Variants in TLN1 observed in about 807,000 individuals in gnomAD.
TLN1 encodes talin 1, also known as talin-1.
Under a neutral mutation model 292.3 loss-of-function variants are expected in TLN1, and 56 were observed. That is an observed-to-expected ratio of 0.19 (90% CI 0.15 to 0.24). The LOEUF is 0.24. Among genes scored for constraint, TLN1 ranks in the 10% least tolerant of loss-of-function variants. The pLI is 1.00. For synonymous variants in TLN1, 1,119 were observed against 1,253.7 expected (o/e 0.89, Z 2.27); for missense variants, 2,433 against 3,248.2 (o/e 0.75, Z 6.10).
Position 35,719,775 on chromosome 9 carries a change from C to T in TLN1, c.1543G>A (p.Asp515Asn), listed in dbSNP as rs748221925. Reference sequence around the variant, plus strand: ...CCAAGAGGCGGCAGAGTGTCAAAGTCATCCAGGGTGGCCTGGGCAGCCTGC... The same window carrying T: ...CCAAGAGGCGGCAGAGTGTCAAAGTTATCCAGGGTGGCCTGGGCAGCCTGC... Reference protein sequence around the residue: ...AVQAAQATLDDFDTLPPLGQD... With the variant: ...AVQAAQATLDNFDTLPPLGQD... Residue 515 changes from aspartate to asparagine, a missense_variant, in exon 14 of 57, where the codon GAC (aspartate) becomes AAC (asparagine). Physicochemically the swap from Asp to Asn is conservative, Grantham distance 23. This residue lies in a region of TLN1 where 617 missense variants were observed against 770.6 expected (regional missense o/e 0.80). Transcript: ENST00000314888. The surrounding 1 kb of genome is among the most constrained non-coding windows in gnomAD (Gnocchi z 4.6). The T allele has an allele frequency of 3.3e-5, 53 of 1,608,034 alleles. No individual in the cohort carries two copies. The South Asian group carries it at 4.9e-4, about 15-fold the overall frequency.
intron 27 of TLN1, 31 bp from the exon 28 acceptor site, chr9:35,712,155 A>T: frequency 6.2e-7 from 1 of 1,602,300 alleles, no homozygotes; most frequent in Non-Finnish European, 8.5e-7. Context: ...GGGTTGCCCA[A>T]GTGAAAAGAA....
intron 48 of TLN1, among the ~76,000 whole-genome samples, chr9:35,701,322 G>A (rs147717074): frequency 1.4e-3 from 207 of 152,272 alleles, no homozygotes; most frequent in Non-Finnish European, 2.0e-3. Flanking sequence ...TGTCACCCAG[G>A]CTGGAGTGCA....
chr9:35,697,939 T>G (rs1436647565), intron 56 of TLN1, 23 bp from the exon 57 acceptor site: 1 of 1,613,926 alleles, frequency 6.2e-7, no homozygotes, highest in Non-Finnish European at 8.5e-7. Context: ...ATCGGGGACT[T>G]AGTTCAGTGA....
Position 35,706,618 on chromosome 9 carries a change from G to T in TLN1, c.5089-67C>A. Reference sequence around the variant, plus strand: ...TAGGACCCTCTGGCTACAAAGAACTGCTCTTCTGTCCATACCAAATACCCT... The same window carrying T: ...TAGGACCCTCTGGCTACAAAGAACTTCTCTTCTGTCCATACCAAATACCCT... On this transcript the variant is annotated intron_variant, in intron 38 of 56. Transcript: ENST00000314888. The surrounding 1 kb of genome is among the most constrained non-coding windows in gnomAD (Gnocchi z 4.2). 1 of 1,596,114 alleles carries T rather than the reference G, an allele frequency of 6.3e-7. No individual in the cohort carries two copies. Among genetic ancestry groups the T allele is most frequent in the African/African-American group, 1.3e-5 (1 of 74,658 alleles).
chr9:35,706,058 C>G lies in TLN1; in HGVS notation c.5415G>C (p.Glu1805Asp), dbSNP rs369415530. Residue 1805 changes from glutamate (E) to aspartate (D), a missense_variant, in exon 41 of 57, where the codon GAG becomes GAC. Glu to Asp is a conservative substitution (Grantham distance 45). This residue lies in a region of TLN1 where 1,384 missense variants were observed against 1,699.6 expected (regional missense o/e 0.81). Transcript: ENST00000314888. This position sits in a 1 kb window ranked among gnomAD's most constrained non-coding sequence, Gnocchi z 4.2. ...ALEEAVQMMT[E>D]AVEDLTTTLN... ...GGGTTGTTGTCAGGTCCTCTACGGC[C>G]TCGGTCATCATCTGCACAGCCTCCT... The G allele has an allele frequency of 6.2e-7, 1 of 1,614,216 alleles. No individual in the cohort carries two copies. Among genetic ancestry groups the G allele is most frequent in the Non-Finnish European group, 8.5e-7 (1 of 1,180,032 alleles).
chr9:35,726,102 C>T (rs188683751), intron 1 of TLN1, among the ~76,000 whole-genome samples: 34 of 152,152 alleles, frequency 2.2e-4, no homozygotes, highest in African/African-American at 7.2e-4. Context: ...TTAGTAGAGA[C>T]GGGGTTTCAC....
At chr9:35,728,717 C>G (rs541546687) in intron 1 of TLN1, among the ~76,000 whole-genome samples, 1 of 152,170 alleles carries the variant, frequency 6.6e-6, no homozygotes, top group Non-Finnish European at 1.5e-5. Context: ...CAAGCACACC[C>G]GGCACCCAGT....
intron 43 of TLN1, 63 bp downstream of exon 43, chr9:35,705,488 C>A: frequency 6.6e-7 from 1 of 1,511,950 alleles, no homozygotes; most frequent in Non-Finnish European, 8.8e-7. Context: ...GTGGGACAGC[C>A]CTAGACACTG....
Position 35,711,383 on chromosome 9 carries a change from G to A in TLN1, c.3891C>T (p.Asp1297=). The change falls in exon 30 of 57, where the codon GAC becomes GAT. Residue 1297 remains aspartate, a synonymous_variant. Coordinates refer to ENST00000314888, the MANE Select transcript of TLN1 (RefSeq NM_006289.4). The stretch of plus-strand genomic sequence containing the variant: ...TCAAGTTGGACACAACTTGGGCTCG[G>A]TCCTCCTGGCTCTGTTGAAGGTGAC... ...EMAGQAPSQE[D]RAQVVSNLKG... 6.2e-7 allele frequency: 1 copy of A among 1,614,220 alleles called. No homozygotes were observed. The highest frequency in any genetic ancestry group is 1.1e-5 in the South Asian group (1 of 91,086).
Position 35,706,489 on chromosome 9 carries a change from G to T in TLN1, c.5151C>A (p.Ala1717=). 6.2e-7 allele frequency: 1 copy of T among 1,614,118 alleles called. No individual in the cohort carries two copies. The highest frequency in any genetic ancestry group is 8.5e-7 in the Non-Finnish European group (1 of 1,180,012). The change falls in exon 39 of 57, where the codon GCC becomes GCA. Residue 1717 remains alanine (A), a synonymous_variant. Coordinates refer to ENST00000314888, the MANE Select transcript of TLN1 (RefSeq NM_006289.4). The surrounding 1 kb of genome is among the most constrained non-coding windows in gnomAD (Gnocchi z 4.2). Reference sequence around the variant, plus strand: ...GGGAGGCTTCAGCCCGGGCAGCATTGGCCAGCGGCTCAATGAGATGGGAGA... The same window carrying T: ...GGGAGGCTTCAGCCCGGGCAGCATTTGCCAGCGGCTCAATGAGATGGGAGA... ...QEISHLIEPL[A]NAARAEASQL...
rs1825517484 is a variant in TLN1 at position 35,704,112 on chromosome 9, G to A, written c.6110C>T (p.Ala2037Val). ...CGCCAACTTCTCCTGGCTCCCAGCT[G>A]CGTTTTGCACCAGGACCTTGGTGTC... ...VEDTKVLVQN[A>V]AGSQEKLAQA... The change falls in exon 46 of 57, where the codon GCA becomes GTA. Residue 2037 changes from alanine to valine, a missense_variant. Around this residue, in one of 7 missense-constraint regions of TLN1, gnomAD observed 1,384 missense variants for 1,699.6 expected, o/e 0.81. Coordinates refer to ENST00000314888, the MANE Select transcript of TLN1 (RefSeq NM_006289.4). This position sits in a 1 kb window ranked among gnomAD's most constrained non-coding sequence, Gnocchi z 6.9. The A allele has an allele frequency of 1.2e-6, 2 of 1,613,492 alleles. No homozygotes were observed. The highest frequency in any genetic ancestry group is 1.7e-6 in the Non-Finnish European group (2 of 1,179,808).
At chr9:35,723,849 GAAGA>G (rs1359485828) in intron 7 of TLN1, 99 bp downstream of exon 7, 1 of 1,547,074 alleles carries the variant, frequency 6.5e-7, no homozygotes, top group East Asian at 2.3e-5. Context: ...TACCTCGGAA[GAAGA>G]AATAGTGGGG....
chr9:35,708,263 T>C (rs1825600059), intron 34 of TLN1, 78 bp downstream of exon 34: 1 of 1,477,302 alleles, frequency 6.8e-7, no homozygotes, highest in African/African-American at 1.4e-5. Context: ...CTTTCCCACA[T>C]GCCTCACCTC....
Position 35,717,141 on chromosome 9 carries a change from C to A in TLN1, c.2458+5G>T. 6.3e-7 allele frequency: 1 copy of A among 1,591,426 alleles called. No homozygotes were observed. The highest frequency in any genetic ancestry group is 1.1e-5 in the South Asian group (1 of 90,022). On this transcript the variant is annotated splice_donor_5th_base_variant and intron_variant, in intron 19 of 56. Transcript: ENST00000314888. The surrounding 1 kb of genome is among the most constrained non-coding windows in gnomAD (Gnocchi z 4.7). The stretch of plus-strand genomic sequence containing the variant: ...TTTTTGTTTTCCTGGGGGTGCGTGT[C>A]TTACCAGCATCACCCATGGAGCTAA...
At position 35,706,111 on chromosome 9, in the gene TLN1, G is replaced by C; in HGVS notation, c.5362C>G (p.Gln1788Glu). The part of the protein sequence containing the change: ...TAKEAGGNPK[Q>E]AAHTQEALEE... ...AGGGCTTCCTGGGTGTGAGCTGCTT[G>C]CTGTGGGGAGAGGAGAGGAGCTCTG... The change falls in exon 41 of 57, where the codon CAA becomes GAA. Residue 1788 changes from glutamine (Q) to glutamate (E), a missense_variant and splice_region_variant. By Grantham distance (29) the Gln-to-Glu change is conservative (BLOSUM62 2). This residue lies in a region of TLN1 where 1,384 missense variants were observed against 1,699.6 expected (regional missense o/e 0.81). Coordinates refer to ENST00000314888, the MANE Select transcript of TLN1 (RefSeq NM_006289.4). This position sits in a 1 kb window ranked among gnomAD's most constrained non-coding sequence, Gnocchi z 4.2. 6.2e-7 allele frequency: 1 copy of C among 1,614,054 alleles called. No individual in the cohort carries two copies. Among genetic ancestry groups the C allele is most frequent in the Non-Finnish European group, 8.5e-7 (1 of 1,179,974 alleles).
At chr9:35,716,327 C>A in intron 20 of TLN1, 63 bp downstream of exon 20, 1 of 1,585,950 alleles carries the variant, frequency 6.3e-7, no homozygotes. Flanking sequence ...TGAGGGTGAC[C>A]ATCTGGACTG....
In TLN1 at chr9:35,717,470, G is replaced by A. The variant is rs1406879008; in HGVS notation, c.2164-30C>T. ...AGGTAAAGTGAATGTCAGAGACGTA[G>A]GCAAGGGAAAGGAGGTAGAGTATGC... On this transcript the variant is annotated intron_variant, in intron 18 of 56. Coordinates refer to ENST00000314888, the MANE Select transcript of TLN1 (RefSeq NM_006289.4). The surrounding 1 kb of genome is among the most constrained non-coding windows in gnomAD (Gnocchi z 4.7). 1 of 1,602,038 alleles carries A rather than the reference G, an allele frequency of 6.2e-7. No homozygotes were observed. The highest frequency in any genetic ancestry group is 8.5e-7 in the Non-Finnish European group (1 of 1,171,428).
At chr9:35,701,689 C>G (rs566850270) in intron 48 of TLN1, among the ~76,000 whole-genome samples, 1 of 152,170 alleles carries the variant, frequency 6.6e-6, no homozygotes, top group East Asian at 1.9e-4. Context: ...CAGTTAAGGA[C>G]TGATGATGGT....
At position 35,713,189 on chromosome 9, in the gene TLN1, C is replaced by A. The variant is rs1174611347; in HGVS notation, c.3352+7G>T. On this transcript the variant is annotated splice_region_variant and intron_variant, in intron 26 of 56. Coordinates refer to ENST00000314888, the MANE Select transcript of TLN1 (RefSeq NM_006289.4). ...TATGCCCCATGCCTGGCTCTCTGCC[C>A]ACATACCTGCATAATTCTCATTGCC... 1.3e-6 allele frequency: 2 copies of A among 1,590,510 alleles called. No homozygotes were observed. Among genetic ancestry groups the A allele is most frequent in the Non-Finnish European group, 1.7e-6 (2 of 1,160,608 alleles).
Sources: gnomAD v4.1 joint callset for allele counts (sites outside exome capture counted in the v4.1 genomes callset) on GRCh38, gnomAD v4.1.1 for gene constraint, gnomAD v4.1.1 regional missense constraint, Gnocchi (gnomAD v3.1) non-coding constraint, MANE v1.5 for transcripts, NCBI Gene and HGNC (gene_info 2026-07-23, HGNC 2026-07-21) for gene names.